ABHD2: variants seen among roughly 807,000 people sequenced by gnomAD.
The protein encoded by ABHD2 is abhydrolase domain containing 2, acylglycerol lipase, also known as monoacylglycerol lipase ABHD2.
Under a neutral mutation model 48.1 loss-of-function variants are expected in ABHD2, and 20 were observed. The observed-to-expected ratio is 0.42, with a 90% CI of 0.29 to 0.60. The LOEUF is 0.60. Ranked by LOEUF, ABHD2 falls within the 20% of genes least tolerant of loss-of-function variation. The pLI is 0.24. For missense variants in ABHD2, 405 were observed against 550.9 expected (o/e 0.74, Z 2.65); for synonymous variants, 209 against 214.2 (o/e 0.98, Z 0.21).
In ABHD2 at chr15:89,113,715, A is replaced by G. The variant is rs1177783132; in HGVS notation, c.-106-10A>G. On this transcript the variant is annotated splice_polypyrimidine_tract_variant and intron_variant, in intron 1 of 10. Coordinates refer to ENST00000352732, the MANE Select transcript of ABHD2 (RefSeq NM_152924.5). The stretch of plus-strand genomic sequence containing the variant: ...TCGTTCTTTAAAACATTACCATCCA[A>G]TCTTTTTAGCTTTTAGGTTTGTTTG... 2 of 152,168 alleles carry G rather than the reference A, an allele frequency of 1.3e-5. No homozygotes were observed. Among genetic ancestry groups the G allele is most frequent in the Non-Finnish European group, 2.9e-5 (2 of 68,032 alleles). 9.4% of individuals were successfully genotyped at this position (152,168 alleles called of 1,614,324 possible). A position where few individuals can be genotyped will look rare whatever the true frequency, so the allele number is the denominator to read the frequency against.
intron 5 of ABHD2, among the ~76,000 whole-genome samples, chr15:89,169,178 A>G (rs1171710632): frequency 6.6e-5 from 10 of 152,178 alleles, no homozygotes; most frequent in Non-Finnish European, 4.4e-5. Flanking sequence ...TCTCTGGAGT[A>G]CTATTACCTA....
intron 1 of ABHD2, among the ~76,000 whole-genome samples, chr15:89,110,815 A>G: frequency 6.6e-6 from 1 of 152,184 alleles, no homozygotes; most frequent in East Asian, 1.9e-4. Context: ...GCATTTTTTG[A>G]GGGTTGAGGA....
At chr15:89,080,386 G>A in the ABHD2 span, among the ~76,000 whole-genome samples, 1 of 152,200 alleles carries the variant, frequency 6.6e-6, no homozygotes, top group African/African-American at 2.4e-5. Context: ...ATTAAGAGGA[G>A]CCTGGGAACT....
chr15:89,187,078 G>C (rs1024484055), intron 7 of ABHD2, among the ~76,000 whole-genome samples: 7 of 152,348 alleles, frequency 4.6e-5, no homozygotes, highest in African/African-American at 1.7e-4. Flanking sequence ...AATGGGTCTG[G>C]AGATTGCAGA....
At chr15:89,169,473 G>A (rs1375544068) in intron 5 of ABHD2, among the ~76,000 whole-genome samples, 1 of 152,202 alleles carries the variant, frequency 6.6e-6, no homozygotes, top group Non-Finnish European at 1.5e-5. Context: ...GTGAACAAGA[G>A]CAAGAATATC....
Position 89,155,335 on chromosome 15 carries a change from G to A in ABHD2, c.371-32G>A, listed in dbSNP as rs374182205. ...TCCATTTATCATGTCACATTTCTTG[G>A]ATACATCAGGATCTCTTTCTCTACG... On this transcript the variant is annotated intron_variant, in intron 4 of 10. Coordinates refer to ENST00000352732, the MANE Select transcript of ABHD2 (RefSeq NM_152924.5). The surrounding 1 kb of genome is among the most constrained non-coding windows in gnomAD (Gnocchi z 4.9). The A allele has an allele frequency of 9.4e-6, 15 of 1,593,540 alleles. No homozygotes were observed. The highest frequency in any genetic ancestry group is 1.7e-4 in the Middle Eastern group (1 of 6,004).
rs2051389147 is a variant in ABHD2, at chr15:89,195,638, T to C, written c.*215T>C. 2.0e-6 allele frequency: 1 copy of C among 503,652 alleles called. No homozygotes were observed. Among genetic ancestry groups the C allele is most frequent in the African/African-American group, 2.0e-5 (1 of 50,968 alleles). 31.2% of individuals were successfully genotyped at this position (503,652 alleles called of 1,614,324 possible). ...TAGTTACTGGTTTTCTCCATTGCAT[T>C]GTTAGGCATGGTGACAAGTGACAGA... On this transcript the variant is annotated 3_prime_UTR_variant, in exon 11 of 11. Transcript: ENST00000352732. This position sits in a 1 kb window ranked among gnomAD's most constrained non-coding sequence, Gnocchi z 5.1.
chr15:89,201,381 C>T lies in ABHD2; in HGVS notation c.*5958C>T. 8.9e-7 allele frequency: 1 copy of T among 1,128,396 alleles called. No homozygotes were observed. The highest frequency in any genetic ancestry group is 1.3e-6 in the Non-Finnish European group (1 of 749,926). The allele number at this position is 1,128,396 out of a possible 1,614,324, so 69.9% of individuals were successfully genotyped here. A position where few individuals can be genotyped will look rare whatever the true frequency, so the allele number is the denominator to read the frequency against. ...TGCTTAGATGCATTCAGTGGGACAGCTTTGCTGGGTTCCATGTCATTCAAT... is the reference window on the plus strand; with the variant it reads ...TGCTTAGATGCATTCAGTGGGACAGTTTTGCTGGGTTCCATGTCATTCAAT... On this transcript the variant is annotated 3_prime_UTR_variant, in exon 11 of 11. Coordinates refer to ENST00000352732, the MANE Select transcript of ABHD2 (RefSeq NM_152924.5).
At position 89,092,338 on chromosome 15, in the gene ABHD2, T is replaced by C. The variant is rs1300173211; in HGVS notation, c.-107+3775T>C. On this transcript the variant is annotated intron_variant, in intron 1 of 10. Transcript: ENST00000352732. This position sits in a 1 kb window ranked among gnomAD's most constrained non-coding sequence, Gnocchi z 4.4. ...TGGTTTCTGATTTTCTTTTGTTGTCTTTAAGTGGAGGTTCATTAAGTTCAA... is the reference window on the plus strand; with the variant it reads ...TGGTTTCTGATTTTCTTTTGTTGTCCTTAAGTGGAGGTTCATTAAGTTCAA... Among the ~76,000 whole-genome samples, 4 of 152,194 alleles carry C rather than the reference T, an allele frequency of 2.6e-5. No homozygotes were observed. Among genetic ancestry groups the C allele is most frequent in the Non-Finnish European group, 1.5e-5 (1 of 68,034 alleles).
Position 89,116,303 on chromosome 15 carries a change from C to T in ABHD2, c.-6-19C>T. 6.2e-7 allele frequency: 1 copy of T among 1,605,156 alleles called. No homozygotes were observed. Among genetic ancestry groups the T allele is most frequent in the Non-Finnish European group, 8.5e-7 (1 of 1,174,394 alleles). ...CCTCACTGTGCTTGTAAACTTAGACCTGTGCCTCTGCTCCCCAGATCAAGA... is the reference window on the plus strand; with the variant it reads ...CCTCACTGTGCTTGTAAACTTAGACTTGTGCCTCTGCTCCCCAGATCAAGA... On this transcript the variant is annotated intron_variant, in intron 2 of 10. Coordinates refer to ENST00000352732, the MANE Select transcript of ABHD2 (RefSeq NM_152924.5). This position sits in a 1 kb window ranked among gnomAD's most constrained non-coding sequence, Gnocchi z 4.6.
intron 3 of ABHD2, among the ~76,000 whole-genome samples, chr15:89,117,408 A>C (rs750706007): frequency 6.6e-6 from 1 of 152,120 alleles, no homozygotes; most frequent in Non-Finnish European, 1.5e-5. Context: ...GGGAATCTGC[A>C]CTCTGTGTCA....
intron 3 of ABHD2, among the ~76,000 whole-genome samples, chr15:89,124,156 C>A (rs1235690902): frequency 1.3e-5 from 2 of 152,180 alleles, no homozygotes; most frequent in African/African-American, 4.8e-5. Flanking sequence ...TACAGAAAAG[C>A]ACTCATTCAA....
intron 1 of ABHD2, among the ~76,000 whole-genome samples, chr15:89,112,174 C>G (rs293399): frequency 0.4 from 60,193 of 151,860 alleles, 12,314 homozygotes; most frequent in Non-Finnish European, 0.44. Context: ...GGGTCTGAAG[C>G]GGGGCAGCCC....
At chr15:89,069,129 T>C in the ABHD2 span, among the ~76,000 whole-genome samples, 1,665 of 147,486 alleles carry the variant, frequency 0.011, 40 homozygotes, top group African/African-American at 0.04. Context: ...TTTCTTTTTT[T>C]TTTTTTTTTT....
Position 89,176,098 on chromosome 15 carries a change from G to A in ABHD2, c.722+103G>A. ...TCTGTGAAGACCGGGGAACACTGTG[G>A]CCGACTGAGTAGAAGTTTCTGAGTC... On this transcript the variant is annotated intron_variant, in intron 6 of 10. Transcript: ENST00000352732. This position sits in a 1 kb window ranked among gnomAD's most constrained non-coding sequence, Gnocchi z 4.5. 1 of 1,257,578 alleles carries A rather than the reference G, an allele frequency of 8.0e-7. No homozygotes were observed. Among genetic ancestry groups the A allele is most frequent in the Non-Finnish European group, 1.1e-6 (1 of 915,362 alleles). 77.9% of individuals were successfully genotyped at this position (1,257,578 alleles called of 1,614,324 possible).
rs35689320 is a variant in ABHD2 at position 89,149,214 on chromosome 15, AACACAC to A, written c.195-2440_195-2435del. Among the ~76,000 whole-genome samples, 1,095 of 148,322 alleles carry A rather than the reference AACACAC, an allele frequency of 7.4e-3. 8 individuals are homozygous for A. The highest frequency in any genetic ancestry group is 0.029 in the South Asian group (134 of 4,598). The stretch of plus-strand genomic sequence containing the variant: ...AGTGATTGTGAGGCAATTGATCCCT[AACACAC>A]ACACACACACACACACACACACTCA... On this transcript the variant is annotated intron_variant, in intron 3 of 10. Transcript: ENST00000352732.
At chr15:89,123,288 T>A (rs1302107040) in intron 3 of ABHD2, among the ~76,000 whole-genome samples, 2 of 152,150 alleles carry the variant, frequency 1.3e-5, no homozygotes, top group Non-Finnish European at 2.9e-5. Context: ...TCTCCGGTGG[T>A]TTTCCCTTTT....
chr15:89,135,090 A>G (rs1441517055), intron 3 of ABHD2, among the ~76,000 whole-genome samples: 3 of 148,802 alleles, frequency 2.0e-5, no homozygotes, highest in South Asian at 2.1e-4. Context: ...TTAATAAAAA[A>G]TTGTATTTGC....
the ABHD2 span, among the ~76,000 whole-genome samples, chr15:89,066,912 G>C: frequency 6.6e-6 from 1 of 152,234 alleles, no homozygotes; most frequent in African/African-American, 2.4e-5. Context: ...ATGAAGTCTG[G>C]AAAATGTGTC....
Sources: allele counts gnomAD v4.1 joint callset (sites outside exome capture counted in the v4.1 genomes callset), GRCh38; gene constraint gnomAD v4.1.1; non-coding constraint Gnocchi (gnomAD v3.1); transcripts MANE v1.5; gene names NCBI Gene and HGNC (gene_info 2026-07-23, HGNC 2026-07-21).